The following BNC2 variants were observed in gnomAD, a reference collection of about 807,000 sequenced individuals.
BNC2 encodes zinc finger protein basonuclin-2.
Under a neutral mutation model 76.3 loss-of-function variants are expected in BNC2, and 20 were observed. The ratio of observed to expected loss-of-function variants is 0.26; its 90% CI spans 0.18 to 0.38. BNC2 has a LOEUF of 0.38. Ranked by LOEUF, BNC2 falls within the 10% of genes least tolerant of loss-of-function variation. The pLI, the probability that BNC2 is intolerant of heterozygous loss-of-function variation, is 1.00. For missense variants in BNC2, 1,382 were observed against 1,399.8 expected, an observed-to-expected ratio of 0.99 and a Z score of 0.20; for synonymous variants, 582 against 514.8, an observed-to-expected ratio of 1.13 and a Z score of -1.77.
chr9:16,695,172 T>C (rs1048584916), intron 3 of BNC2, among the ~76,000 whole-genome samples: 1 of 152,232 alleles, frequency 6.6e-6, no homozygotes, highest in Non-Finnish European at 1.5e-5. Flanking sequence ...TTATAAATGG[T>C]AAAATACATG....
intron 1 of BNC2, among the ~76,000 whole-genome samples, chr9:16,855,561 G>A (rs1819232638): frequency 6.6e-6 from 1 of 152,174 alleles, no homozygotes; most frequent in East Asian, 1.9e-4. Flanking sequence ...TTTTTGAGAC[G>A]GAGTCTCGCT....
chr9:16,659,572 C>T (rs1822046427), intron 3 of BNC2, among the ~76,000 whole-genome samples: 1 of 147,762 alleles, frequency 6.8e-6, no homozygotes, highest in Non-Finnish European at 1.5e-5. Context: ...TGCACCACTG[C>T]ACTCCAGCCC....
chr9:16,835,763 C>A (rs1210780799), intron 1 of BNC2, among the ~76,000 whole-genome samples: 1 of 152,176 alleles, frequency 6.6e-6, no homozygotes, highest in African/African-American at 2.4e-5. Flanking sequence ...GTGTGCAAGG[C>A]ACAGTTCTGG....
At chr9:16,544,555 T>C (rs992017473) in intron 5 of BNC2, among the ~76,000 whole-genome samples, 2 of 152,102 alleles carry the variant, frequency 1.3e-5, no homozygotes, top group African/African-American at 2.4e-5. Context: ...CAGTGGCTCA[T>C]GCCTGTAATC....
intron 5 of BNC2, among the ~76,000 whole-genome samples, chr9:16,480,595 C>G (rs1193787592): frequency 6.6e-6 from 1 of 152,216 alleles, no homozygotes; most frequent in Non-Finnish European, 1.5e-5. Flanking sequence ...GCGGGCCCCA[C>G]ACTTGGAGCA....
chr9:16,471,900 T>G (rs1375571117), intron 5 of BNC2, among the ~76,000 whole-genome samples: 1 of 152,138 alleles, frequency 6.6e-6, no homozygotes, highest in Non-Finnish European at 1.5e-5. Context: ...GCCGTGCTAT[T>G]CTTGCAATAG....
At chr9:16,685,718 C>T in intron 3 of BNC2, 1 of 842,422 alleles carries the variant, frequency 1.2e-6, no homozygotes, top group Non-Finnish European at 1.7e-6. Context: ...GAGAGGAAAT[C>T]CCAACTGCGG....
In BNC2 at chr9:16,839,567, G is replaced by C. The variant is rs191948725; in HGVS notation, c.3+31079C>G. Among the ~76,000 whole-genome samples the C allele has an allele frequency of 2.6e-5, 4 of 152,292 alleles. 1 individual carries two copies. In the East Asian group the frequency reaches 7.7e-4, roughly 29 times the overall value. ...TCACACAGATATGCAGGTTAGAAGA[G>C]AACCCCATGCAAGTCTAAAGCACGC... On this transcript the variant is annotated intron_variant, in intron 1 of 6. Transcript: ENST00000380672.
At chr9:16,668,312 A>G (rs921701654) in intron 3 of BNC2, among the ~76,000 whole-genome samples, 2 of 152,176 alleles carry the variant, frequency 1.3e-5, no homozygotes, top group Non-Finnish European at 2.9e-5. Flanking sequence ...CCCCTGGCAT[A>G]CCGCGGGAGC....
intron 5 of BNC2, among the ~76,000 whole-genome samples, chr9:16,538,809 T>C (rs1296720359): frequency 6.6e-6 from 1 of 152,184 alleles, no homozygotes; most frequent in Non-Finnish European, 1.5e-5. Context: ...TTGAAAAATG[T>C]TTAAAATTCC....
chr9:16,578,832 C>A lies in BNC2; in HGVS notation c.433+4151G>T, dbSNP rs193058250. 3.6e-3 allele frequency among the ~76,000 whole-genome samples: 552 copies of A among 152,098 alleles called. 3 individuals carry two copies. The highest frequency in any genetic ancestry group is 0.012 in the African/African-American group (516 of 41,498). Reference sequence around the variant, plus strand: ...AAACGCACTGAGAAGATAAAGCAAACAAGGGAAAGTAAAAAATATAGTATT... The same window carrying A: ...AAACGCACTGAGAAGATAAAGCAAAAAAGGGAAAGTAAAAAATATAGTATT... On this transcript the variant is annotated intron_variant, in intron 4 of 6. Transcript: ENST00000380672.
At chr9:16,631,262 T>C (rs531020404) in intron 3 of BNC2, among the ~76,000 whole-genome samples, 4 of 152,260 alleles carry the variant, frequency 2.6e-5, no homozygotes, top group African/African-American at 9.6e-5. Flanking sequence ...CAGATCTAAA[T>C]CCTTATCTTT....
At chr9:16,855,933 A>C (rs1819244749) in intron 1 of BNC2, among the ~76,000 whole-genome samples, 1 of 152,074 alleles carries the variant, frequency 6.6e-6, no homozygotes, top group Non-Finnish European at 1.5e-5. Context: ...CATATATAGT[A>C]AGTAAACATT....
intron 6 of BNC2, 93 bp downstream of exon 6, chr9:16,435,462 T>A: frequency 6.9e-7 from 1 of 1,454,156 alleles, no homozygotes; most frequent in South Asian, 1.1e-5. Flanking sequence ...ACCAAAAACA[T>A]CTAAGTTGGA....
At chr9:16,540,570 G>A (rs1818288069) in intron 5 of BNC2, among the ~76,000 whole-genome samples, 2 of 151,990 alleles carry the variant, frequency 1.3e-5, no homozygotes, top group African/African-American at 4.8e-5. Flanking sequence ...GCCTTATAAG[G>A]CATACAAGCA....
chr9:16,461,460 T>C (rs1333055486), intron 5 of BNC2, among the ~76,000 whole-genome samples: 1 of 152,200 alleles, frequency 6.6e-6, no homozygotes, highest in Non-Finnish European at 1.5e-5. Flanking sequence ...AGCAATTGCA[T>C]AGGTTATTTT....
At chr9:16,827,441 T>C (rs1469405807) in intron 1 of BNC2, among the ~76,000 whole-genome samples, 2 of 152,164 alleles carry the variant, frequency 1.3e-5, no homozygotes, top group African/African-American at 2.4e-5. Flanking sequence ...AGAGGTATTG[T>C]ACTGATGGAG....
intron 3 of BNC2, among the ~76,000 whole-genome samples, chr9:16,587,360 T>G (rs1475311937): frequency 2.0e-5 from 3 of 152,088 alleles, no homozygotes; most frequent in African/African-American, 4.8e-5. Flanking sequence ...ACTACAGGCG[T>G]GCACCATCAC....
intron 6 of BNC2, 55 bp from the exon 7 acceptor site, chr9:16,419,704 GA>G: frequency 1.0e-6 from 1 of 999,840 alleles, no homozygotes; most frequent in Non-Finnish European, 1.5e-6. Context: ...GGAAAGGTGA[GA>G]AAAAGGAAAG....
Sources: allele counts gnomAD v4.1 joint callset (sites outside exome capture counted in the v4.1 genomes callset), GRCh38; gene constraint gnomAD v4.1.1; transcripts MANE v1.5; gene names NCBI Gene and HGNC (gene_info 2026-07-23, HGNC 2026-07-21).